Variants in APOO observed in about 807,000 individuals in gnomAD.
APOO encodes MICOS complex subunit MIC26.
A neutral mutation model predicts 23.1 loss-of-function variants in APOO; 11 were observed. The ratio of observed to expected loss-of-function variants is 0.48; its 90% CI spans 0.30 to 0.79. APOO has a LOEUF of 0.79. APOO is among the 30% of genes least tolerant of loss of function. The pLI is 0.07. For synonymous variants in APOO, 59 were observed against 54.8 expected (o/e 1.08, Z -0.34); for missense variants, 160 against 142.7 (o/e 1.12, Z -0.62).
intron 4 of APOO, among the ~76,000 whole-genome samples, chrX:23,871,227 G>C (rs1430917684): frequency 3.7e-5 from 4 of 107,116 alleles, no homozygotes; most frequent in Non-Finnish European, 5.8e-5. Context: ...GCCAGGTGTG[G>C]TGGCAGGCGC....
intron 1 of APOO, among the ~76,000 whole-genome samples, 173 bp from the exon 2 acceptor site, chrX:23,881,125 G>A (rs745487467): frequency 8.2e-5 from 9 of 110,096 alleles, no homozygotes; most frequent in Admixed American, 2.0e-4. Flanking sequence ...CCCAGGCTGC[G>A]GTGTAGTGGC....
chrX:23,840,951 A>G (rs781435639), intron 7 of APOO: 1 of 112,224 alleles, frequency 8.9e-6, no homozygotes, highest in Admixed American at 9.5e-5. Context: ...GTAATCCATA[A>G]GAAGCAGTGT....
chrX:23,897,378 G>A (rs953711987), intron 1 of APOO, among the ~76,000 whole-genome samples: 3 of 112,277 alleles, frequency 2.7e-5, no homozygotes, highest in African/African-American at 9.7e-5. Context: ...CAGGTTTTGA[G>A]TCATCCAGTT....
intron 5 of APOO, among the ~76,000 whole-genome samples, chrX:23,865,824 C>T (rs763940720): frequency 4.5e-5 from 5 of 111,340 alleles, no homozygotes; most frequent in Non-Finnish European, 7.5e-5. Flanking sequence ...TGCTATTGCA[C>T]ATGTGTGTGT....
intron 1 of APOO, among the ~76,000 whole-genome samples, chrX:23,893,559 CTT>C (rs1262464393): frequency 9.0e-6 from 1 of 111,390 alleles, no homozygotes; most frequent in African/African-American, 3.3e-5. Flanking sequence ...ATACAGCAAT[CTT>C]TTATTTTTAT....
intron 5 of APOO, among the ~76,000 whole-genome samples, chrX:23,860,516 T>C (rs990320720): frequency 9.2e-6 from 1 of 108,688 alleles, no homozygotes; most frequent in Non-Finnish European, 1.9e-5. Flanking sequence ...CATCTCCATT[T>C]CTTTTTTTTC....
At chrX:23,871,022 G>C (rs1422462089) in intron 4 of APOO, among the ~76,000 whole-genome samples, 1 of 108,949 alleles carries the variant, frequency 9.2e-6, no homozygotes, top group Non-Finnish European at 1.9e-5. Flanking sequence ...CTGGGAGGCA[G>C]AGGTTGCAGT....
chrX:23,848,183 G>T (rs910733012), intron 7 of APOO, among the ~76,000 whole-genome samples: 3 of 100,987 alleles, frequency 3.0e-5, no homozygotes, highest in Admixed American at 2.2e-4. Flanking sequence ...CTATTTTTTT[G>T]AGACAAAATC....
At chrX:23,841,968 C>A (rs1016192502) in intron 7 of APOO, among the ~76,000 whole-genome samples, 1 of 111,478 alleles carries the variant, frequency 9.0e-6, no homozygotes, top group Non-Finnish European at 1.9e-5. Context: ...CCTTTCATAG[C>A]ACTCATGTAC....
chrX:23,842,915 G>C (rs1325466194), intron 7 of APOO, among the ~76,000 whole-genome samples: 7 of 111,880 alleles, frequency 6.3e-5, no homozygotes, highest in Non-Finnish European at 7.5e-5. Context: ...GGCTGAAGCA[G>C]GAGAATCGCT....
At chrX:23,865,522 C>T (rs1469935820) in intron 5 of APOO, among the ~76,000 whole-genome samples, 1 of 109,332 alleles carries the variant, frequency 9.1e-6, no homozygotes, top group Non-Finnish European at 1.9e-5. Context: ...GAGAATCACC[C>T]GAACCCAGGA....
At chrX:23,874,747 T>G (rs1162299034) in intron 3 of APOO, among the ~76,000 whole-genome samples, 1 of 111,325 alleles carries the variant, frequency 9.0e-6, no homozygotes, top group African/African-American at 3.3e-5. Flanking sequence ...ATGGAAAAAA[T>G]AGACTAAAAA....
At chrX:23,881,400 C>G (rs949764607) in intron 1 of APOO, among the ~76,000 whole-genome samples, 3 of 106,120 alleles carry the variant, frequency 2.8e-5, no homozygotes, top group Non-Finnish European at 5.8e-5. Flanking sequence ...TTTAAAAAAT[C>G]AGCCAGGCAT....
chrX:23,885,597 C>T (rs768056059), intron 1 of APOO, among the ~76,000 whole-genome samples: 2 of 109,504 alleles, frequency 1.8e-5, no homozygotes, highest in East Asian at 2.9e-4. Flanking sequence ...TTTCCTTTAA[C>T]ATTTTATTGG....
intron 5 of APOO, among the ~76,000 whole-genome samples, chrX:23,863,626 C>G (rs1342842054): frequency 9.0e-6 from 1 of 111,075 alleles, no homozygotes; most frequent in Non-Finnish European, 1.9e-5. Flanking sequence ...AAGTTTACCT[C>G]CAACATACGC....
rs891312436 is a variant in APOO, at chrX:23,889,668, T to G, written c.10-8716A>C. ...CACCTGGGGAGTTGTTTTTTTTTTT[T>G]TTTTTTTTTTTTAAGACAGAGCCTC... On this transcript the variant is annotated intron_variant, in intron 1 of 8. Transcript: ENST00000379226. Among the ~76,000 whole-genome samples the G allele has an allele frequency of 3.6e-4, 36 of 101,371 alleles. 1 individual carries two copies. The highest frequency in any genetic ancestry group is 9.4e-4 in the East Asian group (3 of 3,205). 88.0% of individuals were successfully genotyped at this position (101,371 alleles called of 115,157 possible). A position where few individuals can be genotyped will look rare whatever the true frequency, so the allele number is the denominator to read the frequency against.
At chrX:23,866,168 T>C (rs1421532364) in intron 5 of APOO, among the ~76,000 whole-genome samples, 2 of 111,463 alleles carry the variant, frequency 1.8e-5, no homozygotes, top group Non-Finnish European at 3.8e-5. Context: ...CTCCTCTCAC[T>C]CACTTCTACA....
chrX:23,856,273 A>C, intron 7 of APOO, 29 bp downstream of exon 7: 1 of 1,170,914 alleles, frequency 8.5e-7, no homozygotes, highest in Non-Finnish European at 1.2e-6. Context: ...TTAAACCAAA[A>C]GGAAGATAAT....
At chrX:23,867,144 GAAACTAAACT>G (rs1302353429) in intron 5 of APOO, among the ~76,000 whole-genome samples, 2 of 75,109 alleles carry the variant, frequency 2.7e-5, no homozygotes, top group African/African-American at 1.3e-4. Flanking sequence ...GAAACGAAAC[GAAACTAAACT>G]AAACTAAAGT....
Sources: allele counts gnomAD v4.1 joint callset (sites outside exome capture counted in the v4.1 genomes callset), GRCh38; gene constraint gnomAD v4.1.1; transcripts MANE v1.5; gene names NCBI Gene and HGNC (gene_info 2026-07-23, HGNC 2026-07-21).